Variants in SCYL2 observed in about 807,000 individuals in gnomAD.
SCYL2 encodes SCY1 like pseudokinase 2, also known as SCY1-like protein 2.
Under a neutral mutation model 100.4 loss-of-function variants are expected in SCYL2, and 36 were observed. The observed-to-expected ratio is 0.36, with a 90% confidence interval of 0.27 to 0.47. SCYL2 has a LOEUF of 0.47. SCYL2 is among the 20% of genes least tolerant of loss of function. The pLI is 1.00. For missense variants in SCYL2, 902 were observed against 1,083.9 expected (o/e 0.83, Z 2.36); for synonymous variants, 330 against 359.2 (o/e 0.92, Z 0.92).
intron 3 of SCYL2, among the ~76,000 whole-genome samples, chr12:100,294,366 G>C (rs1408169280): frequency 8.6e-6 from 1 of 116,594 alleles, no homozygotes; most frequent in African/African-American, 3.3e-5. Context: ...AGACGGGGCG[G>C]CTGGCCGGGC....
intron 1 of SCYL2, among the ~76,000 whole-genome samples, chr12:100,278,374 A>G (rs2096294682): frequency 1.3e-5 from 2 of 151,584 alleles, no homozygotes; most frequent in South Asian, 4.2e-4. Flanking sequence ...TAATTTTTCT[A>G]TTTTTTGTAG....
At chr12:100,337,301 T>G in intron 16 of SCYL2, 86 bp from the exon 17 acceptor site, 1 of 1,542,722 alleles carries the variant, frequency 6.5e-7, no homozygotes, top group Non-Finnish European at 8.7e-7. Context: ...AGTAGTAAGA[T>G]GTACTTTACC....
chr12:100,275,196 A>G (rs920185065), intron 1 of SCYL2, among the ~76,000 whole-genome samples: 4 of 151,768 alleles, frequency 2.6e-5, no homozygotes, highest in Non-Finnish European at 1.5e-5. Context: ...TAGAAATGCA[A>G]TTTCTTTTTT....
intron 7 of SCYL2, 75 bp from the exon 8 acceptor site, chr12:100,314,414 A>G (rs113531208): frequency 2.7e-6 from 3 of 1,091,532 alleles, no homozygotes; most frequent in African/African-American, 1.6e-5. Flanking sequence ...TTTTTACCAT[A>G]TTGTGACAGT....
At chr12:100,328,353 T>C (rs1952162852) in intron 12 of SCYL2, among the ~76,000 whole-genome samples, 1 of 152,188 alleles carries the variant, frequency 6.6e-6, no homozygotes, top group African/African-American at 2.4e-5. Flanking sequence ...GCTCTGTCAG[T>C]TCTTGAGGTG....
intron 4 of SCYL2, among the ~76,000 whole-genome samples, chr12:100,299,412 G>A (rs983259122): frequency 1.3e-4 from 19 of 151,898 alleles, no homozygotes; most frequent in African/African-American, 3.9e-4. Flanking sequence ...TTATAAGTTC[G>A]ACATACACTT....
At chr12:100,331,183 G>A (rs890626800) in intron 13 of SCYL2, among the ~76,000 whole-genome samples, 2 of 152,118 alleles carry the variant, frequency 1.3e-5, no homozygotes, top group Non-Finnish European at 2.9e-5. Context: ...GCAGAGTTGA[G>A]GTTAGGGTGG....
At chr12:100,336,318 A>T (rs1952276197) in intron 16 of SCYL2, among the ~76,000 whole-genome samples, 1 of 151,914 alleles carries the variant, frequency 6.6e-6, no homozygotes, top group Non-Finnish European at 1.5e-5. Flanking sequence ...TCTCCCACTC[A>T]CTACATTCCC....
Position 100,267,408 on chromosome 12 carries a change from G to C in SCYL2, c.-413G>C, listed in dbSNP as rs1299787495. 1 of 212,744 alleles carries C rather than the reference G, an allele frequency of 4.7e-6. No individual in the cohort carries two copies. The highest frequency in any genetic ancestry group is 9.5e-6 in the Non-Finnish European group (1 of 105,556). The allele number at this position is 212,744 out of a possible 1,614,324, so 13.2% of individuals were successfully genotyped here. ...GGAAGAAGGAAGAGGTAAGTGACCGGCCGCCGGCACCGACCGACCTCCCTC... is the reference window on the plus strand; with the variant it reads ...GGAAGAAGGAAGAGGTAAGTGACCGCCCGCCGGCACCGACCGACCTCCCTC... On this transcript the variant is annotated 5_prime_UTR_variant, in exon 1 of 18. Coordinates refer to ENST00000360820, the MANE Select transcript of SCYL2 (RefSeq NM_017988.6).
chr12:100,332,446 C>A (rs1952222110), intron 13 of SCYL2, among the ~76,000 whole-genome samples: 1 of 152,150 alleles, frequency 6.6e-6, no homozygotes, highest in African/African-American at 2.4e-5. Flanking sequence ...TCGAGGATAG[C>A]AGTTTAGGCC....
In SCYL2 at chr12:100,312,544, A is replaced by T; in HGVS notation, c.743A>T (p.Asp248Val). ...ILSVSCETAS[D>V]MYSLGTVMYA... Reference sequence around the variant, plus strand: ...TCTGTGAGCTGTGAAACAGCCAGTGATATGTATTCTTTAGGAACTGTTATG... The same window carrying T: ...TCTGTGAGCTGTGAAACAGCCAGTGTTATGTATTCTTTAGGAACTGTTATG... Residue 248 changes from aspartate to valine, a missense_variant, in exon 6 of 18, where the codon GAT (aspartate) becomes GTT (valine). Transcript: ENST00000360820. 6.2e-7 allele frequency: 1 copy of T among 1,612,890 alleles called. No homozygotes were observed. The highest frequency in any genetic ancestry group is 8.5e-7 in the Non-Finnish European group (1 of 1,179,002).
chr12:100,305,035 A>G (rs1288029726), intron 4 of SCYL2, among the ~76,000 whole-genome samples: 1 of 152,184 alleles, frequency 6.6e-6, no homozygotes, highest in Non-Finnish European at 1.5e-5. Context: ...AGAGACTTAG[A>G]CTCCCACGCA....
intron 13 of SCYL2, among the ~76,000 whole-genome samples, chr12:100,332,147 T>TC (rs1952217476): frequency 6.6e-6 from 1 of 152,176 alleles, no homozygotes; most frequent in African/African-American, 2.4e-5. Context: ...CACGCAGGAT[T>TC]CCCCTTGTAA....
intron 3 of SCYL2, among the ~76,000 whole-genome samples, chr12:100,296,503 TGTC>T (rs1471292371): frequency 6.6e-6 from 1 of 151,936 alleles, no homozygotes; most frequent in African/African-American, 2.4e-5. Context: ...GGAGGAATAT[TGTC>T]GTATGGCAGG....
chr12:100,318,054 A>G (rs1347473436), intron 10 of SCYL2, 129 bp downstream of exon 10: 7 of 809,960 alleles, frequency 8.6e-6, no homozygotes, highest in South Asian at 2.9e-5. Context: ...TATCTTTTGA[A>G]TCACATTATT....
In SCYL2 at chr12:100,313,494, A is replaced by C; in HGVS notation, c.925A>C (p.Asn309His). The C allele has an allele frequency of 6.2e-7, 1 of 1,610,726 alleles. No homozygotes were observed. The highest frequency in any genetic ancestry group is 8.5e-7 in the Non-Finnish European group (1 of 1,177,198). Reference protein sequence around the residue: ...EVREHVKLLLNVTPTVRPDAD... With the variant: ...EVREHVKLLLHVTPTVRPDAD... ...TCGTGAACATGTAAAGCTACTGTTA[A>C]ATGTAACTCCGACTGTAAGACCAGA... Residue 309 changes from asparagine (N) to histidine (H), a missense_variant, in exon 7 of 18, where the codon AAT becomes CAT. Transcript: ENST00000360820.
chr12:100,294,959 G>T (rs1324362191), intron 3 of SCYL2, among the ~76,000 whole-genome samples: 7 of 148,686 alleles, frequency 4.7e-5, no homozygotes, highest in South Asian at 2.2e-4. Flanking sequence ...TTGCCAGGCA[G>T]AGGGTCTCCT....
At chr12:100,318,697 G>T (rs763204621) in intron 10 of SCYL2, among the ~76,000 whole-genome samples, 10 of 152,082 alleles carry the variant, frequency 6.6e-5, no homozygotes, top group Non-Finnish European at 1.2e-4. Context: ...TTTCCTTCTT[G>T]CTTGGTAACT....
At chr12:100,303,026 C>T (rs1055564294) in intron 4 of SCYL2, among the ~76,000 whole-genome samples, 1 of 152,058 alleles carries the variant, frequency 6.6e-6, no homozygotes, top group Non-Finnish European at 1.5e-5. Flanking sequence ...GATATCCTTT[C>T]TTCCGCTTGA....
Sources: allele counts gnomAD v4.1 joint callset (sites outside exome capture counted in the v4.1 genomes callset), GRCh38; gene constraint gnomAD v4.1.1; transcripts MANE v1.5; gene names NCBI Gene and HGNC (gene_info 2026-07-23, HGNC 2026-07-21).